Variants in WDR59 observed in about 807,000 individuals in gnomAD.
WDR59 encodes the protein GATOR2 complex protein WDR59.
A neutral mutation model predicts 131.2 loss-of-function variants in WDR59; 100 were observed. That is an observed-to-expected ratio of 0.76 (90% confidence interval 0.65 to 0.90). WDR59 has a LOEUF of 0.90. Among genes scored for constraint, WDR59 ranks in the 40% least tolerant of loss-of-function variants. The pLI, the probability that WDR59 is intolerant of heterozygous loss-of-function variation, is 0.00. For missense variants in WDR59, 1,203 were observed against 1,262.2 expected (o/e 0.95, Z 0.71); for synonymous variants, 601 against 466.2 (o/e 1.29, Z -3.72).
intron 25 of WDR59, among the ~76,000 whole-genome samples, chr16:74,874,902 G>C (rs868570048): frequency 6.6e-6 from 1 of 150,626 alleles, no homozygotes; most frequent in African/African-American, 2.5e-5. Flanking sequence ...GTTTTTTTTT[G>C]TTTTTTTTAC....
intron 1 of WDR59, among the ~76,000 whole-genome samples, chr16:74,971,426 CT>C (rs58120924): frequency 0.054 from 4,883 of 90,166 alleles, 31 homozygotes; most frequent in East Asian, 0.092. Flanking sequence ...TCTTTCCTTC[CT>C]TTTTTTTTTT....
At chr16:74,969,295 C>T (rs933443266) in intron 1 of WDR59, among the ~76,000 whole-genome samples, 5 of 152,132 alleles carry the variant, frequency 3.3e-5, no homozygotes, top group East Asian at 1.9e-4. Context: ...TCTTTTGAGA[C>T]GGAGTCTCAC....
In WDR59 at chr16:74,909,148, G is replaced by C. The variant is rs150839407; in HGVS notation, c.1643-171C>G. Among the ~76,000 whole-genome samples, 408 of 152,214 alleles carry C rather than the reference G, an allele frequency of 2.7e-3. 2 individuals carry two copies. The highest frequency in any genetic ancestry group is 9.4e-3 in the African/African-American group (389 of 41,540). ...TCACCCTTACCAGGAACAAAGGTCA[G>C]CGCTCCAGGATCCAGGAGAGAGGAT... On this transcript the variant is annotated intron_variant, in intron 16 of 25. Coordinates refer to ENST00000262144, the MANE Select transcript of WDR59 (RefSeq NM_030581.4).
intron 7 of WDR59, 90 bp from the exon 8 acceptor site, chr16:74,938,356 T>C (rs1393299239): frequency 1.1e-6 from 1 of 882,516 alleles, no homozygotes; most frequent in Non-Finnish European, 1.6e-6. Context: ...TGAGTGAGGA[T>C]GCAAAAATAC....
intron 14 of WDR59, 96 bp downstream of exon 14, chr16:74,912,102 C>T (rs746820048): frequency 1.3e-6 from 2 of 1,531,734 alleles, no homozygotes; most frequent in African/African-American, 2.7e-5. Context: ...CAGATGACTT[C>T]CGAATCTCAT....
rs147565383 is a variant in WDR59 at position 74,874,399 on chromosome 16, G to A, written c.2735C>T (p.Thr912Met). ...CSHCRSEVRG[T>M]QCAICKGFTF... ...GAAGCCTTTGCAGATGGCACACTGC[G>A]TGCCACGGACCTCACTCCGGCAGTG... is the stretch of plus-strand genomic sequence containing the variant. Residue 912 changes from threonine to methionine, a missense_variant, in exon 26 of 26, where the codon ACG (threonine) becomes ATG (methionine). Physicochemically the swap from Thr to Met is moderately conservative, Grantham distance 81. Transcript: ENST00000262144. 6.7e-5 allele frequency: 108 copies of A among 1,613,960 alleles called. 1 individual carries two copies. Among genetic ancestry groups the A allele is most frequent in the South Asian group, 2.3e-4 (21 of 91,080 alleles).
rs529022379 is a variant in WDR59 at position 74,914,246 on chromosome 16, GAATTATATCTCAAT to G, written c.1224+1610_1224+1623del. Among the ~76,000 whole-genome samples, 250 of 152,146 alleles carry G rather than the reference GAATTATATCTCAAT, an allele frequency of 1.6e-3. 6 individuals carry two copies. In the South Asian group the frequency reaches 0.05, roughly 30 times the overall value. On this transcript the variant is annotated intron_variant, in intron 13 of 25. Coordinates refer to ENST00000262144, the MANE Select transcript of WDR59 (RefSeq NM_030581.4). ...AAAAAAGATGAACTTTATACTGTGT[GAATTATATCTCAAT>G]AATTTTTTTAAAGTACTCTCGAAGA...
intron 18 of WDR59, chr16:74,899,630 CA>C: frequency 8.2e-7 from 1 of 1,219,614 alleles, no homozygotes; most frequent in Non-Finnish European, 1.1e-6. Context: ...AGGCAGGTGG[CA>C]TTTTATTCTT....
chr16:74,884,598 T>C (rs1964666154), intron 25 of WDR59, among the ~76,000 whole-genome samples: 7 of 152,244 alleles, frequency 4.6e-5, no homozygotes, highest in Admixed American at 4.6e-4. Flanking sequence ...TCTGCCTGAC[T>C]TGGCCTCCCA....
chr16:74,871,655 C>T lies in WDR59; in HGVS notation c.*2554G>A, dbSNP rs7188289. 145,880 of 152,350 alleles carry T rather than the reference C, an allele frequency of 0.96. 69,910 individuals are homozygous for T. The highest frequency in any genetic ancestry group is 1 in the East Asian group (5,194 of 5,194). The allele number at this position is 152,350 out of a possible 1,614,324, so 9.4% of individuals were successfully genotyped here. A position where few individuals can be genotyped will look rare whatever the true frequency, so the allele number is the denominator to read the frequency against. On this transcript the variant is annotated 3_prime_UTR_variant, in exon 26 of 26. Transcript: ENST00000262144. ...GGACAGATAGGGACAGGTTTTTACA[C>T]TAACTTGAGCAGTGGGGAACAGGAA...
rs187048329 is a variant in WDR59, at chr16:74,973,632, C to T, written c.55-7810G>A. On this transcript the variant is annotated intron_variant, in intron 1 of 25. Transcript: ENST00000262144. ...CTTGTCTAATACTCACTACACGTTA[C>T]CTATCGGAGACTCTTGTTCACACGC... 2.2e-3 allele frequency among the ~76,000 whole-genome samples: 342 copies of T among 152,318 alleles called. 2 individuals are homozygous for T. The highest frequency in any genetic ancestry group is 6.8e-3 in the Middle Eastern group (2 of 294).
intron 20 of WDR59, among the ~76,000 whole-genome samples, chr16:74,890,072 T>C (rs1433131029): frequency 6.6e-6 from 1 of 152,216 alleles, no homozygotes; most frequent in Non-Finnish European, 1.5e-5. Flanking sequence ...AATTTTTCAT[T>C]AAGCAAACAT....
chr16:74,903,502 A>AC (rs1965653785), intron 18 of WDR59, among the ~76,000 whole-genome samples: 1 of 151,790 alleles, frequency 6.6e-6, no homozygotes, highest in Non-Finnish European at 1.5e-5. Flanking sequence ...AAAAAAAAAA[A>AC]CAAAAAACCT....
At chr16:74,889,183 T>C (rs1567690747) in intron 21 of WDR59, among the ~76,000 whole-genome samples, 1 of 152,216 alleles carries the variant, frequency 6.6e-6, no homozygotes, top group Non-Finnish European at 1.5e-5. Context: ...GTTATGGAGA[T>C]TCAAGTGGTT....
intron 18 of WDR59, among the ~76,000 whole-genome samples, chr16:74,898,535 A>G (rs1965397167): frequency 6.6e-6 from 1 of 152,206 alleles, no homozygotes; most frequent in South Asian, 2.1e-4. Flanking sequence ...CAAAGAGGAC[A>G]AGGAAGAACG....
At chr16:74,966,315 A>G (rs930087330) in intron 1 of WDR59, among the ~76,000 whole-genome samples, 1 of 152,048 alleles carries the variant, frequency 6.6e-6, no homozygotes, top group African/African-American at 2.4e-5. Flanking sequence ...CCCCAACTCT[A>G]CTAAAAATAC....
chr16:74,928,427 C>T (rs901300963), intron 8 of WDR59, among the ~76,000 whole-genome samples: 1 of 151,090 alleles, frequency 6.6e-6, no homozygotes, highest in Non-Finnish European at 1.5e-5. Flanking sequence ...CTATGTTGCG[C>T]AGGCTGGTCT....
chr16:74,953,917 G>A (rs2033145597), intron 3 of WDR59, among the ~76,000 whole-genome samples: 1 of 151,496 alleles, frequency 6.6e-6, no homozygotes, highest in Non-Finnish European at 1.5e-5. Context: ...CAGGAGAATG[G>A]CGTGAACCCG....
At chr16:74,917,070 G>T (rs917117826) in intron 11 of WDR59, among the ~76,000 whole-genome samples, 1 of 152,142 alleles carries the variant, frequency 6.6e-6, no homozygotes, top group Non-Finnish European at 1.5e-5. Flanking sequence ...TCCAATACAA[G>T]TGAGACACCT....
Sources: gnomAD v4.1 joint callset for allele counts (sites outside exome capture counted in the v4.1 genomes callset) on GRCh38, gnomAD v4.1.1 for gene constraint, MANE v1.5 for transcripts, NCBI Gene and HGNC (gene_info 2026-07-23, HGNC 2026-07-21) for gene names.